RTN3: variants seen among roughly 807,000 people sequenced by gnomAD.
The protein encoded by RTN3 is reticulon-3.
A neutral mutation model predicts 77.8 loss-of-function variants in RTN3; 49 were observed. The ratio of observed to expected loss-of-function variants is 0.63; its 90% confidence interval spans 0.50 to 0.80. RTN3 has a LOEUF of 0.80. RTN3 is among the 30% of genes least tolerant of loss of function. The pLI, the probability that RTN3 is intolerant of heterozygous loss-of-function variation, is 0.00. For synonymous variants in RTN3, 464 were observed against 446.9 expected (o/e 1.04, Z -0.48); for missense variants, 1,236 against 1,211.9 (o/e 1.02, Z -0.29).
intron 2 of RTN3, among the ~76,000 whole-genome samples, chr11:63,712,530 G>A (rs2011188553): frequency 1.3e-5 from 2 of 150,094 alleles, no homozygotes. Context: ...TTGTTGCCTG[G>A]GCTAGAGTGC....
Position 63,720,725 on chromosome 11 carries a change from A to G in RTN3, c.2223A>G (p.Glu741=), listed in dbSNP as rs147124632. ...TPVASLDLEQ[E]QLTIKALKEL... ...TAGCATCTCTTGACTTAGAACAAGA[A>G]CAGCTCACAATTAAGGCTCTTAAAG... The change falls in exon 3 of 9, where the codon GAA becomes GAG. Residue 741 remains glutamate, a synonymous_variant. Transcript: ENST00000377819. 6.2e-7 allele frequency: 1 copy of G among 1,614,186 alleles called. No homozygotes were observed. Among genetic ancestry groups the G allele is most frequent in the African/African-American group, 1.3e-5 (1 of 75,064 alleles).
intron 2 of RTN3, among the ~76,000 whole-genome samples, chr11:63,707,690 C>T (rs1408629919): frequency 2.6e-5 from 4 of 151,904 alleles, no homozygotes; most frequent in Non-Finnish European, 5.9e-5. Context: ...AAAAATTAGC[C>T]AGGTGTGGTG....
intron 3 of RTN3, among the ~76,000 whole-genome samples, chr11:63,730,445 A>G (rs568999286): frequency 2.6e-5 from 4 of 152,380 alleles, no homozygotes; most frequent in Non-Finnish European, 2.9e-5. Context: ...CTTGACAGTT[A>G]TAAGTGTGTA....
chr11:63,710,352 T>G (rs184582057), intron 2 of RTN3, among the ~76,000 whole-genome samples: 67 of 144,444 alleles, frequency 4.6e-4, no homozygotes, highest in African/African-American at 1.5e-3. Flanking sequence ...AGTTTTTTTG[T>G]TTTTTTTTTT....
intron 2 of RTN3, among the ~76,000 whole-genome samples, chr11:63,710,367 T>C (rs1043017062): frequency 5.3e-5 from 8 of 151,986 alleles, no homozygotes; most frequent in African/African-American, 1.9e-4. Context: ...TTTTTTATCA[T>C]GTTACTTTAA....
At chr11:63,753,600 G>A in intron 6 of RTN3, 62 bp from the exon 7 acceptor site, 2 of 1,422,040 alleles carry the variant, frequency 1.4e-6, no homozygotes, top group South Asian at 2.4e-5. Flanking sequence ...ATGTTACTCT[G>A]AGTCTTAAGA....
chr11:63,712,912 G>A (rs752681112), intron 2 of RTN3, among the ~76,000 whole-genome samples: 11 of 152,198 alleles, frequency 7.2e-5, no homozygotes, highest in South Asian at 2.1e-4. Flanking sequence ...CCTAACCAAC[G>A]TGGAGAAACT....
chr11:63,745,817 A>G (rs1328383460), intron 3 of RTN3, among the ~76,000 whole-genome samples: 1 of 152,054 alleles, frequency 6.6e-6, no homozygotes. Flanking sequence ...AGTTTGCACA[A>G]AGGTCTTTTT....
intron 2 of RTN3, among the ~76,000 whole-genome samples, chr11:63,705,977 A>T (rs141100514): frequency 6.6e-6 from 1 of 152,230 alleles, no homozygotes; most frequent in Admixed American, 6.5e-5. Flanking sequence ...TTATTTTAAA[A>T]GAGGAAAAAG....
At chr11:63,709,235 C>A (rs1942634093) in intron 2 of RTN3, among the ~76,000 whole-genome samples, 1 of 152,104 alleles carries the variant, frequency 6.6e-6, no homozygotes. Flanking sequence ...GAGGCAGATA[C>A]CATTGTTTTG....
intron 1 of RTN3, among the ~76,000 whole-genome samples, chr11:63,698,406 A>G (rs1041084508): frequency 7.9e-5 from 12 of 152,198 alleles, no homozygotes; most frequent in African/African-American, 4.8e-5. Flanking sequence ...GATTACAGGC[A>G]TCAGCTACTG....
chr11:63,728,540 C>T (rs2012438140), intron 3 of RTN3, among the ~76,000 whole-genome samples: 1 of 152,090 alleles, frequency 6.6e-6, no homozygotes, highest in Non-Finnish European at 1.5e-5. Flanking sequence ...CTTTCCTATA[C>T]AGTGTATCGT....
At chr11:63,758,111 C>G (rs150995942) in intron 8 of RTN3, 45 bp from the exon 9 acceptor site, 7 of 1,345,098 alleles carry the variant, frequency 5.2e-6, no homozygotes, top group Non-Finnish European at 7.3e-6. Flanking sequence ...AGAGCAAATG[C>G]TAATGTTTTC....
chr11:63,696,968 T>C (rs1159169714), intron 1 of RTN3, among the ~76,000 whole-genome samples: 1 of 124,232 alleles, frequency 8.0e-6, no homozygotes, highest in Non-Finnish European at 1.6e-5. Flanking sequence ...CACGGCAAAC[T>C]CCGCCTCCCG....
At chr11:63,746,147 T>A (rs1451521878) in intron 3 of RTN3, among the ~76,000 whole-genome samples, 1 of 152,146 alleles carries the variant, frequency 6.6e-6, no homozygotes, top group African/African-American at 2.4e-5. Flanking sequence ...TCTAGGCACA[T>A]GTCGTCTTTA....
chr11:63,711,275 G>A (rs2011153360), intron 2 of RTN3, among the ~76,000 whole-genome samples: 1 of 151,626 alleles, frequency 6.6e-6, no homozygotes, highest in Admixed American at 6.6e-5. Context: ...GTGAGACTGA[G>A]ACTGTCTCAA....
intron 5 of RTN3, 92 bp from the exon 6 acceptor site, chr11:63,752,977 G>A: frequency 8.3e-7 from 1 of 1,211,286 alleles, no homozygotes; most frequent in Non-Finnish European, 1.2e-6. Context: ...CTAAATTTAT[G>A]CAGACTTAAT....
chr11:63,723,676 G>A (rs923020905), intron 3 of RTN3, among the ~76,000 whole-genome samples: 7 of 152,032 alleles, frequency 4.6e-5, no homozygotes, highest in Admixed American at 1.3e-4. Flanking sequence ...ATCCGCCTGC[G>A]TTGGCCTCTC....
At chr11:63,725,948 T>C (rs2012230855) in intron 3 of RTN3, among the ~76,000 whole-genome samples, 1 of 152,100 alleles carries the variant, frequency 6.6e-6, no homozygotes. Flanking sequence ...ACCCAGCAGA[T>C]GGTGGGTGCT....
Sources: allele counts gnomAD v4.1 joint callset (sites outside exome capture counted in the v4.1 genomes callset), GRCh38; gene constraint gnomAD v4.1.1; transcripts MANE v1.5; gene names NCBI Gene and HGNC (gene_info 2026-07-23, HGNC 2026-07-21).